Variants in PARP1 observed in about 807,000 individuals in gnomAD.
PARP1 encodes poly(ADP-ribose) polymerase 1.
In PARP1, 44 loss-of-function variants were observed where a neutral mutation model predicts 118.7. The observed-to-expected ratio is 0.37, with a 90% confidence interval of 0.29 to 0.48. PARP1 has a LOEUF of 0.48. PARP1 is among the 20% of genes least tolerant of loss of function. The pLI is 0.99. For missense variants in PARP1, 1,100 were observed against 1,272.4 expected, an observed-to-expected ratio of 0.86 and a Z score of 2.06; for synonymous variants, 492 against 483.2, an observed-to-expected ratio of 1.02 and a Z score of -0.24.
chr1:226,406,551 T>A (rs2102749421), intron 1 of PARP1, among the ~76,000 whole-genome samples: 1 of 152,342 alleles, frequency 6.6e-6, no homozygotes, highest in South Asian at 2.1e-4. Flanking sequence ...AGGCACACAA[T>A]GCCTAGAGCA....
intron 2 of PARP1, 21 bp downstream of exon 2, chr1:226,402,193 G>C: frequency 2.5e-6 from 4 of 1,614,184 alleles, no homozygotes; most frequent in Non-Finnish European, 3.4e-6. Context: ...GAATGCCCAT[G>C]CTGCCCCAGT....
intron 2 of PARP1, among the ~76,000 whole-genome samples, chr1:226,397,134 T>C (rs1265643792): frequency 1.5e-5 from 2 of 135,364 alleles, no homozygotes; most frequent in Admixed American, 7.9e-5. Context: ...GGCAACACAG[T>C]GAGACTCTGT....
chr1:226,391,162 T>C lies in PARP1; in HGVS notation c.403-538A>G, dbSNP rs942248802. ...TTTTTGCAGAGATGAGGTCTCACTA[T>C]GTTGCCCGGGCTGGTCCAGAACTCC... On this transcript the variant is annotated intron_variant, in intron 3 of 22. Transcript: ENST00000366794. Among the ~76,000 whole-genome samples, 3 of 152,094 alleles carry C rather than the reference T, an allele frequency of 2.0e-5. No individual in the cohort carries two copies. In the East Asian group the frequency reaches 5.8e-4, roughly 29 times the overall value.
chr1:226,386,481 T>A (rs2102739042), intron 5 of PARP1, 39 bp from the exon 6 acceptor site: 1 of 1,313,518 alleles, frequency 7.6e-7, no homozygotes, highest in Non-Finnish European at 1.1e-6. Context: ...CTAGCTCTTT[T>A]CAAAGGAAGA....
chr1:226,379,772 G>A (rs1271435507), intron 10 of PARP1, 131 bp from the exon 11 acceptor site: 1 of 1,387,472 alleles, frequency 7.2e-7, no homozygotes, highest in Non-Finnish European at 1.0e-6. Context: ...CACTACTCCC[G>A]CCACCCCAAA....
intron 2 of PARP1, chr1:226,393,093 TTAAGAA>T (rs1285870303): frequency 2.3e-5 from 24 of 1,030,852 alleles, no homozygotes; most frequent in Non-Finnish European, 3.1e-5. Context: ...AAGAGATATC[TTAAGAA>T]ATCTATTTTA....
At chr1:226,374,140 CAAG>C in intron 14 of PARP1, 83 bp downstream of exon 14, 1 of 1,494,526 alleles carries the variant, frequency 6.7e-7, no homozygotes. Flanking sequence ...GAAACAGAAA[CAAG>C]AACAGGCAGA....
chr1:226,394,970 C>T (rs1481650444), intron 2 of PARP1, among the ~76,000 whole-genome samples: 1 of 152,184 alleles, frequency 6.6e-6, no homozygotes, highest in South Asian at 2.1e-4. Flanking sequence ...CACTAAATGA[C>T]TACTGTGCAC....
intron 6 of PARP1, 133 bp downstream of exon 6, chr1:226,386,193 C>T (rs955830497): frequency 6.6e-5 from 47 of 715,654 alleles, no homozygotes; most frequent in African/African-American, 1.2e-4. Flanking sequence ...AACACAACCA[C>T]GATTTATACT....
intron 13 of PARP1, among the ~76,000 whole-genome samples, chr1:226,375,266 T>C (rs549853085): frequency 2.6e-5 from 4 of 152,336 alleles, no homozygotes; most frequent in East Asian, 1.9e-4. Context: ...TGTAACTTCA[T>C]TGGAGGGCAA....
chr1:226,367,512 C>G lies in PARP1; in HGVS notation c.2374G>C (p.Val792Leu). Reference sequence around the variant, plus strand: ...TCAGTTTTGAGCTTCTCATAGTTGACATCGATGGGATCCTTGCTGCTATCA... The same window carrying G: ...TCAGTTTTGAGCTTCTCATAGTTGAGATCGATGGGATCCTTGCTGCTATCA... The part of the protein sequence containing the change: ...SDDSSKDPID[V>L]NYEKLKTDIK... Residue 792 changes from valine (V) to leucine (L), a missense_variant, in exon 17 of 23, where the codon GTC becomes CTC. This residue lies in a region of PARP1 where 948 missense variants were observed against 1,031.8 expected (regional missense o/e 0.92). Coordinates refer to ENST00000366794, the MANE Select transcript of PARP1 (RefSeq NM_001618.4). 7 of 1,614,172 alleles carry G rather than the reference C, an allele frequency of 4.3e-6. No homozygotes were observed. The highest frequency in any genetic ancestry group is 5.9e-6 in the Non-Finnish European group (7 of 1,180,044).
At chr1:226,394,958 C>T (rs1242261454) in intron 2 of PARP1, among the ~76,000 whole-genome samples, 1 of 152,064 alleles carries the variant, frequency 6.6e-6, no homozygotes, top group Non-Finnish European at 1.5e-5. Flanking sequence ...TTAGCAAAAC[C>T]TCACTAAATG....
At chr1:226,373,974 G>C (rs1425489219) in intron 14 of PARP1, among the ~76,000 whole-genome samples, 2 of 151,964 alleles carry the variant, frequency 1.3e-5, no homozygotes, top group African/African-American at 4.8e-5. Flanking sequence ...GTACAAAGGG[G>C]ACTAGGGACC....
chr1:226,362,950 C>CA (rs1664180284), intron 21 of PARP1, 149 bp downstream of exon 21: 1 of 680,300 alleles, frequency 1.5e-6, no homozygotes, highest in Admixed American at 2.1e-5. Context: ...ACAACAACAA[C>CA]AACGCACACA....
intron 3 of PARP1, among the ~76,000 whole-genome samples, chr1:226,391,411 G>A (rs1417138665): frequency 2.0e-5 from 3 of 152,192 alleles, no homozygotes; most frequent in African/African-American, 7.2e-5. Context: ...ATTCCCAGGA[G>A]AGTTCCAGGC....
chr1:226,392,857 G>A, intron 2 of PARP1: 2 of 1,448,530 alleles, frequency 1.4e-6, no homozygotes, highest in Non-Finnish European at 1.8e-6. Context: ...AGCCATTTGG[G>A]ACAAAAACTG....
intron 3 of PARP1, 142 bp downstream of exon 3, chr1:226,392,057 A>G: frequency 1.4e-6 from 1 of 726,246 alleles, no homozygotes; most frequent in South Asian, 1.4e-5. Flanking sequence ...TCTGGTCAAT[A>G]CTAATGTCTT....
intron 19 of PARP1, 138 bp from the exon 20 acceptor site, chr1:226,364,208 GAGGAAATACCAA>G: frequency 3.6e-6 from 3 of 833,526 alleles, no homozygotes; most frequent in African/African-American, 1.7e-5. Context: ...TGCCCATGGT[GAGGAAATACCAA>G]AGTTTTAGCT....
chr1:226,373,657 TAA>T (rs1664437606), intron 14 of PARP1, among the ~76,000 whole-genome samples: 1 of 152,188 alleles, frequency 6.6e-6, no homozygotes, highest in Non-Finnish European at 1.5e-5. Context: ...GCCAACCTTT[TAA>T]AAACTGGTAT....
Sources: gnomAD v4.1 joint callset for allele counts (sites outside exome capture counted in the v4.1 genomes callset) on GRCh38, gnomAD v4.1.1 for gene constraint, gnomAD v4.1.1 regional missense constraint, MANE v1.5 for transcripts, NCBI Gene and HGNC (gene_info 2026-07-23, HGNC 2026-07-21) for gene names.